Variants in TAFA4 observed in about 807,000 individuals in gnomAD.
TAFA4 encodes the protein TAFA chemokine like family member 4.
Under a neutral mutation model 21.1 loss-of-function variants are expected in TAFA4, and 20 were observed. That is an observed-to-expected ratio of 0.95 (90% CI 0.67 to 1.38). TAFA4 has a LOEUF of 1.38. Ranked by LOEUF, TAFA4 falls within the 40% of genes most tolerant of loss-of-function variation. The probability of loss-of-function intolerance (pLI) is 0.00; values close to 1 mark genes in which losing one functional copy is unlikely to be tolerated. For missense variants in TAFA4, 211 were observed against 180.9 expected (o/e 1.17, Z -0.95); for synonymous variants, 71 against 67.4 (o/e 1.05, Z -0.26).
chr3:68,896,080 C>T (rs751536649), intron 1 of TAFA4, among the ~76,000 whole-genome samples: 3 of 151,852 alleles, frequency 2.0e-5, no homozygotes, highest in African/African-American at 7.3e-5. Context: ...TGTTCAGGAG[C>T]GGAGAGGTAG....
chr3:68,880,925 G>C (rs962766601), intron 2 of TAFA4, 80 bp from the exon 3 acceptor site: 1 of 1,074,536 alleles, frequency 9.3e-7, no homozygotes, highest in Non-Finnish European at 1.4e-6. Flanking sequence ...AGGAAGGCGG[G>C]AGAAAGCAGG....
chr3:68,884,795 T>C (rs761281067), intron 2 of TAFA4, among the ~76,000 whole-genome samples: 1 of 152,366 alleles, frequency 6.6e-6, no homozygotes, highest in Middle Eastern at 3.4e-3. Context: ...GACAATTCTA[T>C]GTAACAAGTT....
Position 68,739,140 on chromosome 3 carries a change from A to G in TAFA4, c.346T>C (p.Cys116Arg), listed in dbSNP as rs1278268520. The change falls in exon 5 of 6, where the codon TGT becomes CGT. Residue 116 changes from cysteine to arginine, a missense_variant. Coordinates refer to ENST00000295569, the MANE Select transcript of TAFA4 (RefSeq NM_182522.5). ...HMNPCLEGED[C>R]KVLPDYSGWS... ...CCTGAGTAATCTGGCAGCACTTTAC[A>G]ATCCTCTCCTTCCAAACACGGATTC... 1.2e-6 allele frequency: 2 copies of G among 1,614,036 alleles called. No individual in the cohort carries two copies. The highest frequency in any genetic ancestry group is 1.7e-6 in the Non-Finnish European group (2 of 1,179,912).
At chr3:68,751,996 A>G (rs1047632141) in intron 4 of TAFA4, among the ~76,000 whole-genome samples, 10 of 152,216 alleles carry the variant, frequency 6.6e-5, no homozygotes, top group Admixed American at 5.9e-4. Flanking sequence ...CAGAGCCCAT[A>G]TAGTTGTGTA....
intron 3 of TAFA4, among the ~76,000 whole-genome samples, chr3:68,866,912 C>T (rs2089427980): frequency 6.6e-6 from 1 of 151,876 alleles, no homozygotes; most frequent in Non-Finnish European, 1.5e-5. Flanking sequence ...GAACAAAGGA[C>T]ACCTACAGAA....
intron 3 of TAFA4, among the ~76,000 whole-genome samples, chr3:68,784,450 G>A (rs1342473813): frequency 3.9e-5 from 6 of 151,962 alleles, no homozygotes; most frequent in African/African-American, 1.5e-4. Context: ...TGGCTCAGGG[G>A]TAAAGCTGGC....
intron 3 of TAFA4, among the ~76,000 whole-genome samples, chr3:68,828,924 A>C (rs1331883949): frequency 6.6e-6 from 1 of 152,072 alleles, no homozygotes; most frequent in Non-Finnish European, 1.5e-5. Context: ...GTTGACTAGG[A>C]GTGGTGAGAG....
intron 3 of TAFA4, among the ~76,000 whole-genome samples, chr3:68,812,056 T>C (rs1703853617): frequency 6.6e-6 from 1 of 152,168 alleles, no homozygotes. Context: ...AACCCAGAAT[T>C]TCATATCCAG....
chr3:68,773,907 TC>T (rs1703003909), intron 3 of TAFA4, among the ~76,000 whole-genome samples: 1 of 152,172 alleles, frequency 6.6e-6, no homozygotes, highest in Non-Finnish European at 1.5e-5. Context: ...TGAGACTTAC[TC>T]AAGCAGTAAC....
intron 3 of TAFA4, among the ~76,000 whole-genome samples, chr3:68,805,852 GC>G (rs1182151336): frequency 6.6e-6 from 1 of 152,100 alleles, no homozygotes; most frequent in South Asian, 2.1e-4. Context: ...TATACCTAAT[GC>G]TAAATGACGA....
chr3:68,913,189 G>A (rs538248918), intron 1 of TAFA4, among the ~76,000 whole-genome samples: 1 of 152,306 alleles, frequency 6.6e-6, no homozygotes, highest in Admixed American at 6.5e-5. Flanking sequence ...AACTTCCTGT[G>A]TCAAAACACT....
chr3:68,794,448 A>G (rs1344490046), intron 3 of TAFA4, among the ~76,000 whole-genome samples: 1 of 152,204 alleles, frequency 6.6e-6, no homozygotes, highest in African/African-American at 2.4e-5. Flanking sequence ...TTACTTTCAA[A>G]TAAATATAAA....
intron 3 of TAFA4, among the ~76,000 whole-genome samples, chr3:68,810,641 G>T (rs1703814351): frequency 6.6e-6 from 1 of 152,208 alleles, no homozygotes; most frequent in Non-Finnish European, 1.5e-5. Context: ...GCCCACCATT[G>T]CCGAGGCTTG....
chr3:68,834,231 GA>G (rs1704468676), intron 3 of TAFA4, among the ~76,000 whole-genome samples: 1 of 152,156 alleles, frequency 6.6e-6, no homozygotes, highest in Non-Finnish European at 1.5e-5. Flanking sequence ...ATGTAGTAAA[GA>G]ACCTACCCTG....
At chr3:68,813,125 G>A (rs59463118) in intron 3 of TAFA4, among the ~76,000 whole-genome samples, 32,754 of 151,240 alleles carry the variant, frequency 0.22, 4,275 homozygotes, top group East Asian at 0.6. Flanking sequence ...CTTTGAAACC[G>A]ACGAGAACAA....
intron 3 of TAFA4, among the ~76,000 whole-genome samples, chr3:68,813,386 G>C (rs1360664180): frequency 6.6e-6 from 1 of 152,072 alleles, no homozygotes; most frequent in African/African-American, 2.4e-5. Context: ...TCCAGGAGCT[G>C]GTTTTTTGAA....
intron 3 of TAFA4, among the ~76,000 whole-genome samples, chr3:68,801,507 T>C (rs978842923): frequency 1.6e-4 from 25 of 152,208 alleles, no homozygotes; most frequent in African/African-American, 2.7e-4. Flanking sequence ...ACAGCACAAA[T>C]TGCAGTGGTG....
Position 68,810,600 on chromosome 3 carries a change from T to C in TAFA4, c.131-57582A>G, listed in dbSNP as rs553583500. Among the ~76,000 whole-genome samples, 7 of 152,210 alleles carry C rather than the reference T, an allele frequency of 4.6e-5. 1 individual carries two copies. The highest frequency in any genetic ancestry group is 1.2e-4 in the African/African-American group (5 of 41,548). ...CTAGCACAGCAGTCTGAGATCAAAC[T>C]GCAAGGTGGCAGTGAGGCTGGGGGA... On this transcript the variant is annotated intron_variant, in intron 3 of 5. Coordinates refer to ENST00000295569, the MANE Select transcript of TAFA4 (RefSeq NM_182522.5).
intron 3 of TAFA4, among the ~76,000 whole-genome samples, chr3:68,827,322 T>C (rs1372478855): frequency 6.6e-6 from 1 of 152,204 alleles, no homozygotes; most frequent in Non-Finnish European, 1.5e-5. Flanking sequence ...TCTTTGCTAT[T>C]ATGAATAGTG....
Sources: gnomAD v4.1 joint callset for allele counts (sites outside exome capture counted in the v4.1 genomes callset) on GRCh38, gnomAD v4.1.1 for gene constraint, MANE v1.5 for transcripts, NCBI Gene and HGNC (gene_info 2026-07-23, HGNC 2026-07-21) for gene names.